The following COL25A1 variants were observed in gnomAD, a reference collection of about 807,000 sequenced individuals.
The protein encoded by COL25A1 is collagen type XXV alpha 1 chain.
A neutral mutation model predicts 128.4 loss-of-function variants in COL25A1; 103 were observed. That is an observed-to-expected ratio of 0.80 (90% CI 0.68 to 0.94). COL25A1 has a LOEUF of 0.94. Ranked by LOEUF, COL25A1 falls within the 40% of genes least tolerant of loss-of-function variation. The pLI is 0.00. For synonymous variants in COL25A1, 279 were observed against 277.2 expected (o/e 1.01, Z -0.06); for missense variants, 745 against 840.0 (o/e 0.89, Z 1.40).
chr4:108,904,793 T>C (rs1470819144), intron 13 of COL25A1, among the ~76,000 whole-genome samples: 4 of 152,160 alleles, frequency 2.6e-5, no homozygotes, highest in East Asian at 1.9e-4. Context: ...GGGTTTTGTC[T>C]ACTATACTTT....
chr4:108,876,725 T>TA (rs1401037869), intron 19 of COL25A1, among the ~76,000 whole-genome samples: 1 of 152,230 alleles, frequency 6.6e-6, no homozygotes, highest in African/African-American at 2.4e-5. Context: ...ACAATACAGA[T>TA]ATCTCAGCCC....
chr4:109,214,637 T>A (rs1265847300), intron 3 of COL25A1, among the ~76,000 whole-genome samples: 2 of 151,772 alleles, frequency 1.3e-5, no homozygotes, highest in Admixed American at 6.6e-5. Context: ...CTAAAACAAG[T>A]TACGTGTTGG....
At chr4:108,943,583 G>T (rs1168884623) in intron 8 of COL25A1, among the ~76,000 whole-genome samples, 1 of 152,136 alleles carries the variant, frequency 6.6e-6, no homozygotes, top group Non-Finnish European at 1.5e-5. Context: ...AATCACTTCT[G>T]TCACATAACT....
At chr4:108,874,024 G>A (rs1345664234) in intron 19 of COL25A1, among the ~76,000 whole-genome samples, 2 of 152,114 alleles carry the variant, frequency 1.3e-5, no homozygotes, top group African/African-American at 4.8e-5. Context: ...TAAGTTTATA[G>A]AAATATTTTC....
intron 3 of COL25A1, among the ~76,000 whole-genome samples, chr4:109,097,737 C>A (rs1765529587): frequency 6.9e-6 from 1 of 143,966 alleles, no homozygotes; most frequent in Non-Finnish European, 1.5e-5. Flanking sequence ...GATCTTGGCT[C>A]ACTGCAACCT....
intron 3 of COL25A1, among the ~76,000 whole-genome samples, chr4:109,295,332 T>C (rs1724871992): frequency 6.6e-6 from 1 of 152,086 alleles, no homozygotes; most frequent in Non-Finnish European, 1.5e-5. Context: ...TCCACACTGT[T>C]GTACTCATTA....
chr4:109,077,224 T>A (rs1033785156), intron 3 of COL25A1, among the ~76,000 whole-genome samples: 2 of 152,174 alleles, frequency 1.3e-5, no homozygotes, highest in Admixed American at 1.3e-4. Context: ...GGAAAATTTT[T>A]AAAAACAATA....
At chr4:108,815,350 C>T (rs958068351) in intron 37 of COL25A1, among the ~76,000 whole-genome samples, 12 of 149,020 alleles carry the variant, frequency 8.1e-5, no homozygotes, top group East Asian at 2.0e-4. Context: ...AAAAGCAATC[C>T]GCTGACTTTA....
At chr4:109,259,513 T>C (rs988272185) in intron 3 of COL25A1, among the ~76,000 whole-genome samples, 14 of 152,196 alleles carry the variant, frequency 9.2e-5, no homozygotes, top group African/African-American at 3.4e-4. Context: ...TTTCCTTTCC[T>C]ACATCTTTAT....
intron 26 of COL25A1, among the ~76,000 whole-genome samples, chr4:108,850,966 A>G (rs940873812): frequency 3.3e-5 from 5 of 152,048 alleles, no homozygotes; most frequent in Non-Finnish European, 7.4e-5. Flanking sequence ...GAAACTTTTG[A>G]GGTTTGTGGG....
At chr4:109,182,588 C>G (rs1384987395) in intron 3 of COL25A1, among the ~76,000 whole-genome samples, 1 of 152,098 alleles carries the variant, frequency 6.6e-6, no homozygotes, top group Non-Finnish European at 1.5e-5. Context: ...CTTGACATCT[C>G]ACATCTGTTC....
chr4:108,852,806 G>T, intron 25 of COL25A1, 96 bp downstream of exon 25: 1 of 910,944 alleles, frequency 1.1e-6, no homozygotes, highest in Admixed American at 2.4e-5. Context: ...TTAAGTATCA[G>T]ATAAAAACAA....
intron 3 of COL25A1, among the ~76,000 whole-genome samples, chr4:109,145,862 A>T (rs745668832): frequency 1.1e-4 from 17 of 152,168 alleles, no homozygotes; most frequent in Non-Finnish European, 1.6e-4. Flanking sequence ...AATAAATAAA[A>T]AAAAGAGAGA....
chr4:109,027,572 C>T (rs769138198), intron 5 of COL25A1, among the ~76,000 whole-genome samples: 7 of 151,876 alleles, frequency 4.6e-5, no homozygotes, highest in South Asian at 2.1e-4. Flanking sequence ...TGTCCACTAT[C>T]GGGAAAAGGC....
chr4:108,984,488 G>A (rs1753428747), intron 6 of COL25A1, among the ~76,000 whole-genome samples: 1 of 152,196 alleles, frequency 6.6e-6, no homozygotes, highest in Admixed American at 6.5e-5. Context: ...CCATGAGGGG[G>A]GCGGGAGGGA....
intron 8 of COL25A1, among the ~76,000 whole-genome samples, chr4:108,952,165 G>A (rs1017246611): frequency 5.3e-5 from 8 of 152,106 alleles, no homozygotes; most frequent in East Asian, 1.9e-4. Context: ...ATACCAGTTT[G>A]TAGTAATTAA....
At chr4:108,869,000 AGAAAGGAAAGAAAAG>A (rs1159688148) in intron 20 of COL25A1, 73 bp downstream of exon 20, 3 of 781,368 alleles carry the variant, frequency 3.8e-6, no homozygotes, top group Admixed American at 2.5e-5. Flanking sequence ...TAAAAGAAAG[AGAAAGGAAAGAAAAG>A]GAAAGGAAAG....
intron 35 of COL25A1, among the ~76,000 whole-genome samples, chr4:108,821,814 G>C (rs1731799863): frequency 6.6e-6 from 1 of 152,054 alleles, no homozygotes; most frequent in Admixed American, 6.6e-5. Flanking sequence ...GTACATGAGA[G>C]CTCTTGATAA....
intron 29 of COL25A1, 125 bp downstream of exon 29, chr4:108,845,064 C>A: frequency 1.2e-6 from 1 of 820,836 alleles, no homozygotes; most frequent in Non-Finnish European, 2.1e-6. Flanking sequence ...TACAGTTTGA[C>A]AAACCAAGAG....
Sources: allele counts gnomAD v4.1 joint callset (sites outside exome capture counted in the v4.1 genomes callset), GRCh38; gene constraint gnomAD v4.1.1; transcripts MANE v1.5; gene names NCBI Gene and HGNC (gene_info 2026-07-23, HGNC 2026-07-21).